SV2C: variants seen among roughly 807,000 people sequenced by gnomAD.
SV2C encodes the protein solute carrier family 22 member B3.
In SV2C, 49 loss-of-function variants were observed where a neutral mutation model predicts 79.7. The observed-to-expected ratio is 0.61, with a 90% CI of 0.49 to 0.78. SV2C has a LOEUF of 0.78. Ranked by LOEUF, SV2C falls within the 30% of genes least tolerant of loss-of-function variation. The pLI is 0.00. For missense variants in SV2C, 833 were observed against 912.9 expected, an observed-to-expected ratio of 0.91 and a Z score of 1.13; for synonymous variants, 334 against 333.2, an observed-to-expected ratio of 1.00 and a Z score of -0.03.
intron 12 of SV2C, among the ~76,000 whole-genome samples, chr5:76,348,117 A>G (rs1749577008): frequency 6.6e-6 from 1 of 152,166 alleles, no homozygotes; most frequent in Admixed American, 6.5e-5. Flanking sequence ...ACCACTGATC[A>G]TTTACTGTCT....
At chr5:75,911,396 A>G in the SV2C span, 1 of 1,132,854 alleles carries the variant, frequency 8.8e-7, no homozygotes. Context: ...ACCTATATCC[A>G]GAGGACGTCA....
Position 76,233,021 on chromosome 5 carries a change from A to C in SV2C, c.913+23134A>C, listed in dbSNP as rs1333078699. Among the ~76,000 whole-genome samples, 309 of 141,070 alleles carry C rather than the reference A, an allele frequency of 2.2e-3. 5 individuals carry two copies. Among genetic ancestry groups the C allele is most frequent in the Admixed American group, 3.4e-3 (51 of 14,878 alleles). The allele number at this position is 141,070 out of a possible 152,430, so 92.5% of individuals were successfully genotyped here. On this transcript the variant is annotated intron_variant, in intron 4 of 12. Transcript: ENST00000502798. ...GGGGATGGCATTGAATCTGTAAATT[A>C]CCTTGGGCAGTATGGCCTTTTTCAC...
chr5:75,868,846 T>C, the SV2C span, among the ~76,000 whole-genome samples: 3,751 of 152,270 alleles, frequency 0.025, 160 homozygotes, highest in African/African-American at 0.086. Flanking sequence ...ATATGTCCTC[T>C]GACCAGCACT....
rs1340400675 is a variant in SV2C, at chr5:76,295,810, T to C, written c.1370T>C (p.Val457Ala). The change falls in exon 9 of 13, where the codon GTC becomes GCC. Residue 457 changes from valine (V) to alanine (A), a missense_variant. Transcript: ENST00000502798. ...YYGLSVWFPD[V>A]IKPLQSDEYA... ...GGATTATCCGTTTGGTTCCCTGATG[T>C]CATTAAACCTCTGCAGTCCGATGAA... 5.6e-6 allele frequency: 9 copies of C among 1,611,450 alleles called. No individual in the cohort carries two copies. Among genetic ancestry groups the C allele is most frequent in the Non-Finnish European group, 5.9e-6 (7 of 1,179,312 alleles).
At chr5:75,932,671 C>T in the SV2C span, among the ~76,000 whole-genome samples, 4 of 152,246 alleles carry the variant, frequency 2.6e-5, no homozygotes, top group Admixed American at 6.5e-5. Flanking sequence ...GCTGCTCCTG[C>T]TATTGTCTGT....
intron 2 of SV2C, chr5:76,173,678 G>A (rs1743405264): frequency 6.2e-7 from 1 of 1,613,790 alleles, no homozygotes; most frequent in African/African-American, 1.3e-5. Flanking sequence ...AGGCACTGGA[G>A]TTTTTCTGTT....
At chr5:75,921,818 A>AG in the SV2C span, among the ~76,000 whole-genome samples, 13 of 139,172 alleles carry the variant, frequency 9.3e-5, no homozygotes, top group Admixed American at 2.9e-4. Flanking sequence ...AATATATAGC[A>AG]GGGTTTTTTT....
intron 4 of SV2C, among the ~76,000 whole-genome samples, chr5:76,244,981 T>G (rs1310355433): frequency 6.6e-6 from 1 of 152,186 alleles, no homozygotes; most frequent in East Asian, 1.9e-4. Context: ...CACAACCTCT[T>G]CCTGACAGGA....
At chr5:76,019,371 G>A in the SV2C span, among the ~76,000 whole-genome samples, 6 of 152,126 alleles carry the variant, frequency 3.9e-5, no homozygotes, top group Non-Finnish European at 8.8e-5. Context: ...GAGAAATGGA[G>A]ACACTAAATG....
chr5:76,181,972 C>T (rs1743748997), intron 2 of SV2C, among the ~76,000 whole-genome samples: 1 of 152,194 alleles, frequency 6.6e-6, no homozygotes, highest in African/African-American at 2.4e-5. Flanking sequence ...GACACCTATC[C>T]TCCTGACCTT....
intron 4 of SV2C, among the ~76,000 whole-genome samples, chr5:76,224,295 A>G (rs1745177153): frequency 6.6e-6 from 1 of 152,156 alleles, no homozygotes; most frequent in Admixed American, 6.5e-5. Context: ...TTATGATTCC[A>G]TAAGAACGCC....
the SV2C span, among the ~76,000 whole-genome samples, chr5:75,982,362 A>C: frequency 2.6e-5 from 4 of 152,244 alleles, no homozygotes; most frequent in African/African-American, 9.6e-5. Context: ...CATATAAAAA[A>C]AGTTCAACAT....
At chr5:76,228,108 T>C (rs1745309953) in intron 4 of SV2C, among the ~76,000 whole-genome samples, 1 of 152,160 alleles carries the variant, frequency 6.6e-6, no homozygotes, top group South Asian at 2.1e-4. Flanking sequence ...TCACATTTTT[T>C]TCTAAGGCAT....
chr5:76,348,737 ATGCC>A (rs1293516080), intron 12 of SV2C, among the ~76,000 whole-genome samples: 2 of 152,236 alleles, frequency 1.3e-5, no homozygotes, highest in African/African-American at 4.8e-5. Context: ...ATGGTGGCTC[ATGCC>A]TGTAATCCCA....
chr5:76,305,249 G>A (rs529745007), intron 12 of SV2C, among the ~76,000 whole-genome samples: 4 of 152,106 alleles, frequency 2.6e-5, no homozygotes, highest in Non-Finnish European at 5.9e-5. Flanking sequence ...ATGAGATTTG[G>A]GTGGGGCACA....
At chr5:75,929,682 A>C in the SV2C span, among the ~76,000 whole-genome samples, 1 of 152,168 alleles carries the variant, frequency 6.6e-6, no homozygotes, top group Non-Finnish European at 1.5e-5. Flanking sequence ...TTGGGTTGCA[A>C]CATTACACAA....
chr5:76,057,343 A>AG, the SV2C span, among the ~76,000 whole-genome samples: 2,025 of 152,044 alleles, frequency 0.013, 55 homozygotes, highest in African/African-American at 0.047. Flanking sequence ...CTCATCATTT[A>AG]CATTAGGTAT....
chr5:75,855,614 T>G, the SV2C span, among the ~76,000 whole-genome samples: 2 of 152,152 alleles, frequency 1.3e-5, no homozygotes, highest in African/African-American at 4.8e-5. Flanking sequence ...TATTATTATA[T>G]CTGATATGAT....
chr5:76,268,425 A>C (rs116248344), intron 4 of SV2C, among the ~76,000 whole-genome samples: 2,280 of 152,254 alleles, frequency 0.015, 60 homozygotes, highest in African/African-American at 0.05. Flanking sequence ...GATTCCCAGC[A>C]TTCTCACTGC....
Sources: gnomAD v4.1 joint callset for allele counts (sites outside exome capture counted in the v4.1 genomes callset) on GRCh38, gnomAD v4.1.1 for gene constraint, MANE v1.5 for transcripts, NCBI Gene and HGNC (gene_info 2026-07-23, HGNC 2026-07-21) for gene names.